CORIN: variants seen among roughly 807,000 people sequenced by gnomAD.
CORIN encodes the protein atrial natriuretic peptide-converting enzyme.
In CORIN, 117 loss-of-function variants were observed where a neutral mutation model predicts 125.3. The observed-to-expected ratio is 0.93, with a 90% CI of 0.80 to 1.09. CORIN has a LOEUF of 1.09. CORIN is among the 50% of genes least tolerant of loss of function. The probability of loss-of-function intolerance (pLI) is 0.00; values close to 1 mark genes in which losing one functional copy is unlikely to be tolerated. For synonymous variants in CORIN, 450 were observed against 466.4 expected, an observed-to-expected ratio of 0.96 and a Z score of 0.45; for missense variants, 1,253 against 1,306.7, an observed-to-expected ratio of 0.96 and a Z score of 0.63.
chr4:47,678,417 T>C (rs1438281906), intron 8 of CORIN, among the ~76,000 whole-genome samples: 5 of 152,226 alleles, frequency 3.3e-5, no homozygotes, highest in Admixed American at 1.3e-4. Context: ...ACTATCATCT[T>C]TGTTTTACAG....
chr4:47,807,669 C>T (rs550621287), intron 1 of CORIN, among the ~76,000 whole-genome samples: 1 of 152,312 alleles, frequency 6.6e-6, no homozygotes, highest in African/African-American at 2.4e-5. Context: ...GCTACCCCTG[C>T]AGCCCATCCT....
intron 3 of CORIN, among the ~76,000 whole-genome samples, chr4:47,779,419 C>A (rs1275622573): frequency 6.6e-6 from 1 of 151,634 alleles, no homozygotes; most frequent in Non-Finnish European, 1.5e-5. Flanking sequence ...CTCTTAGCTG[C>A]ATATTCTTTT....
chr4:47,828,896 T>C (rs1414382445), intron 1 of CORIN, among the ~76,000 whole-genome samples: 2 of 151,928 alleles, frequency 1.3e-5, no homozygotes, highest in African/African-American at 2.4e-5. Flanking sequence ...CGGTGGCTCA[T>C]GCCTGTAATC....
chr4:47,611,847 A>G (rs1273457574), intron 19 of CORIN, among the ~76,000 whole-genome samples: 3 of 152,212 alleles, frequency 2.0e-5, no homozygotes, highest in African/African-American at 7.2e-5. Flanking sequence ...GTCTATTGAG[A>G]TAATCATGTG....
intron 1 of CORIN, among the ~76,000 whole-genome samples, chr4:47,826,229 T>C (rs1732740183): frequency 6.6e-6 from 1 of 152,220 alleles, no homozygotes; most frequent in African/African-American, 2.4e-5. Flanking sequence ...GATGAACAAC[T>C]GTGATTGTCT....
At chr4:47,803,114 G>A (rs574734092) in intron 2 of CORIN, among the ~76,000 whole-genome samples, 1 of 152,130 alleles carries the variant, frequency 6.6e-6, no homozygotes, top group East Asian at 1.9e-4. Flanking sequence ...AAGAAAAATG[G>A]ACACAAATGG....
intron 4 of CORIN, among the ~76,000 whole-genome samples, chr4:47,749,435 A>G (rs73144292): frequency 4.4e-4 from 67 of 152,308 alleles, no homozygotes; most frequent in African/African-American, 1.5e-3. Context: ...AAGACCCTCC[A>G]ACCAAAGCCT....
At chr4:47,826,145 G>A (rs866775233) in intron 1 of CORIN, among the ~76,000 whole-genome samples, 1 of 152,148 alleles carries the variant, frequency 6.6e-6, no homozygotes, top group Non-Finnish European at 1.5e-5. Context: ...ATAGACCCCA[G>A]CGCTAAGGGA....
intron 19 of CORIN, among the ~76,000 whole-genome samples, chr4:47,616,016 G>T (rs1053539838): frequency 2.0e-5 from 3 of 152,148 alleles, no homozygotes; most frequent in Non-Finnish European, 4.4e-5. Context: ...TACTGAGATG[G>T]GGGAAGTTTG....
chr4:47,632,725 T>TGATAGATGATA (rs1553905878), intron 16 of CORIN, among the ~76,000 whole-genome samples: 7 of 126,762 alleles, frequency 5.5e-5, no homozygotes, highest in South Asian at 2.5e-4. Context: ...TGACAATAGA[T>TGATAGATGATA]GATAGATAGA....
chr4:47,757,865 TAC>T (rs1429834576), intron 4 of CORIN, among the ~76,000 whole-genome samples: 143 of 110,410 alleles, frequency 1.3e-3, no homozygotes, highest in African/African-American at 4.7e-3. Flanking sequence ...CACATATATA[TAC>T]ATATATATAT....
intron 21 of CORIN, among the ~76,000 whole-genome samples, chr4:47,599,487 T>C (rs1413950222): frequency 6.6e-6 from 1 of 152,210 alleles, no homozygotes. Context: ...ATAATAACTG[T>C]CTTCCCCAGT....
intron 9 of CORIN, among the ~76,000 whole-genome samples, chr4:47,675,946 A>C (rs184819693): frequency 6.6e-6 from 1 of 152,290 alleles, no homozygotes; most frequent in Admixed American, 6.5e-5. Flanking sequence ...TTTCCAAGTC[A>C]TGGTAAGAGG....
At chr4:47,763,310 T>C (rs1729554987) in intron 4 of CORIN, 69 bp downstream of exon 4, 1 of 1,227,748 alleles carries the variant, frequency 8.1e-7, no homozygotes, top group African/African-American at 1.5e-5. Context: ...ATTTGGATAA[T>C]TTTTTTTCTC....
chr4:47,726,936 A>AT (rs376327623), intron 5 of CORIN, among the ~76,000 whole-genome samples: 1 of 151,992 alleles, frequency 6.6e-6, no homozygotes, highest in African/African-American at 2.4e-5. Context: ...CAATATTTCC[A>AT]TTTTTTATAA....
intron 5 of CORIN, among the ~76,000 whole-genome samples, chr4:47,704,160 C>T (rs556667828): frequency 6.6e-6 from 1 of 152,148 alleles, no homozygotes; most frequent in Non-Finnish European, 1.5e-5. Flanking sequence ...TAAAATCTCT[C>T]TCAGTATCCC....
intron 10 of CORIN, 132 bp downstream of exon 10, chr4:47,674,261 T>TAAAAAG (rs1321836269): frequency 1.5e-5 from 10 of 667,986 alleles, no homozygotes; most frequent in Non-Finnish European, 2.6e-5. Flanking sequence ...TGCGACCTTT[T>TAAAAAG]AAAAAGAAAA....
At chr4:47,805,584 G>A (rs1037035052) in intron 2 of CORIN, among the ~76,000 whole-genome samples, 5 of 152,182 alleles carry the variant, frequency 3.3e-5, no homozygotes, top group South Asian at 4.2e-4. Context: ...CAGTTCTACC[G>A]CCTTTTGCAA....
At chr4:47,762,839 A>C (rs1006617841) in intron 4 of CORIN, among the ~76,000 whole-genome samples, 3 of 152,134 alleles carry the variant, frequency 2.0e-5, no homozygotes, top group Non-Finnish European at 2.9e-5. Context: ...CTTCTCTCTC[A>C]CTGCAAGACT....
Sources: allele counts gnomAD v4.1 joint callset (sites outside exome capture counted in the v4.1 genomes callset), GRCh38; gene constraint gnomAD v4.1.1; transcripts MANE v1.5; gene names NCBI Gene and HGNC (gene_info 2026-07-23, HGNC 2026-07-21).